Variants in MEGF9 observed in about 807,000 individuals in gnomAD.
MEGF9 encodes the protein multiple EGF like domains 9, also known as multiple epidermal growth factor-like domains protein 9.
Under a neutral mutation model 46.8 loss-of-function variants are expected in MEGF9, and 6 were observed. The ratio of observed to expected loss-of-function variants is 0.13; its 90% CI spans 0.07 to 0.25. The LOEUF (loss-of-function observed/expected upper bound fraction) is 0.25, where lower values mean the gene tolerates loss of function less well. Ranked by LOEUF, MEGF9 falls within the 10% of genes least tolerant of loss-of-function variation. The probability of loss-of-function intolerance (pLI) is 1.00; values close to 1 mark genes in which losing one functional copy is unlikely to be tolerated. For synonymous variants in MEGF9, 302 were observed against 330.7 expected (o/e 0.91, Z 0.94); for missense variants, 683 against 792.4 (o/e 0.86, Z 1.66).
intron 1 of MEGF9, among the ~76,000 whole-genome samples, chr9:120,677,580 AAC>A (rs1157002133): frequency 2.0e-5 from 3 of 152,226 alleles, no homozygotes; most frequent in Non-Finnish European, 4.4e-5. Context: ...GGTACACCTT[AAC>A]ATACTGTTCA....
chr9:120,680,442 ACT>A (rs1245121801), intron 1 of MEGF9, among the ~76,000 whole-genome samples: 1 of 151,904 alleles, frequency 6.6e-6, no homozygotes, highest in Non-Finnish European at 1.5e-5. Flanking sequence ...CCAAGCAGAA[ACT>A]CTTATTCTTT....
rs1056725416 is a variant in MEGF9, at chr9:120,602,346, T to C, written c.*2844A>G. 5.2e-5 allele frequency: 8 copies of C among 152,686 alleles called. No individual in the cohort carries two copies. The highest frequency in any genetic ancestry group is 1.7e-4 in the African/African-American group (7 of 41,470). 9.5% of individuals were successfully genotyped at this position (152,686 alleles called of 1,614,324 possible). A position where few individuals can be genotyped will look rare whatever the true frequency, so the allele number is the denominator to read the frequency against. On this transcript the variant is annotated 3_prime_UTR_variant, in exon 6 of 6. Transcript: ENST00000373930. ...GGACTGATGGCATCCTGCTGCCAGATGCCACAGTTTATGGGGCCCATGCCT... is the reference window on the plus strand; with the variant it reads ...GGACTGATGGCATCCTGCTGCCAGACGCCACAGTTTATGGGGCCCATGCCT...
At chr9:120,687,078 T>A (rs2043826143) in intron 1 of MEGF9, among the ~76,000 whole-genome samples, 1 of 152,210 alleles carries the variant, frequency 6.6e-6, no homozygotes, top group Non-Finnish European at 1.5e-5. Flanking sequence ...AAAAAATATC[T>A]AATTTTAAGG....
chr9:120,670,821 T>C (rs938223581), intron 1 of MEGF9, among the ~76,000 whole-genome samples: 1 of 152,184 alleles, frequency 6.6e-6, no homozygotes, highest in Non-Finnish European at 1.5e-5. Context: ...GTCCCCCTAC[T>C]TGAGCCTTTT....
chr9:120,673,314 AGATATT>A (rs1277329831), intron 1 of MEGF9, among the ~76,000 whole-genome samples: 37 of 152,182 alleles, frequency 2.4e-4, no homozygotes, highest in Non-Finnish European at 4.6e-4. Context: ...GATTTTTTAT[AGATATT>A]AACAAATTGA....
intron 1 of MEGF9, among the ~76,000 whole-genome samples, chr9:120,698,082 T>C (rs555488923): frequency 6.6e-6 from 1 of 152,198 alleles, no homozygotes; most frequent in Non-Finnish European, 1.5e-5. Context: ...TTACAGAAGA[T>C]AGTATAGAAG....
At chr9:120,610,672 T>C (rs2043440771) in intron 4 of MEGF9, among the ~76,000 whole-genome samples, 1 of 152,126 alleles carries the variant, frequency 6.6e-6, no homozygotes, top group Non-Finnish European at 1.5e-5. Flanking sequence ...TCTTGGTGCA[T>C]CCACTATACA....
intron 2 of MEGF9, among the ~76,000 whole-genome samples, chr9:120,630,337 T>C (rs546296400): frequency 1.3e-5 from 2 of 152,378 alleles, no homozygotes; most frequent in South Asian, 2.1e-4. Context: ...CATTGTGCCA[T>C]GAATGATAGA....
chr9:120,644,671 C>T (rs551269314), intron 2 of MEGF9, among the ~76,000 whole-genome samples: 1 of 152,238 alleles, frequency 6.6e-6, no homozygotes, highest in South Asian at 2.1e-4. Flanking sequence ...GAATATATCA[C>T]CTTCAATTAA....
intron 2 of MEGF9, among the ~76,000 whole-genome samples, chr9:120,630,892 G>T (rs1407290065): frequency 1.3e-5 from 2 of 152,188 alleles, no homozygotes; most frequent in Non-Finnish European, 2.9e-5. Context: ...GTCTCTTTCA[G>T]ATGAATAGTT....
intron 2 of MEGF9, among the ~76,000 whole-genome samples, chr9:120,653,726 T>C (rs544892621): frequency 3.3e-5 from 5 of 152,244 alleles, no homozygotes; most frequent in Non-Finnish European, 7.4e-5. Context: ...TTGTGACCAA[T>C]AGAAGTATAA....
chr9:120,661,003 G>A (rs908533695), intron 1 of MEGF9, among the ~76,000 whole-genome samples: 1 of 152,086 alleles, frequency 6.6e-6, no homozygotes, highest in African/African-American at 2.4e-5. Context: ...GAGTTGTAAA[G>A]GGGTTTGCTT....
At chr9:120,682,121 T>C (rs1241198148) in intron 1 of MEGF9, among the ~76,000 whole-genome samples, 1 of 152,230 alleles carries the variant, frequency 6.6e-6, no homozygotes, top group African/African-American at 2.4e-5. Flanking sequence ...TTTGGCAAAG[T>C]AGCATCCTTA....
In MEGF9 at chr9:120,704,782, T is replaced by C. The variant is rs138064041; in HGVS notation, c.601+8976A>G. Among the ~76,000 whole-genome samples, 665 of 152,322 alleles carry C rather than the reference T, an allele frequency of 4.4e-3. 1 individual carries two copies. The highest frequency in any genetic ancestry group is 5.2e-3 in the African/African-American group (215 of 41,574). On this transcript the variant is annotated intron_variant, in intron 1 of 5. Coordinates refer to ENST00000373930, the MANE Select transcript of MEGF9 (RefSeq NM_001080497.3). ...CCATAATGCACTGCACACTTGTTAA[T>C]TGCTAATATTAAAAGCACTCTGTTC... is the stretch of plus-strand genomic sequence containing the variant.
intron 5 of MEGF9, among the ~76,000 whole-genome samples, chr9:120,606,065 G>A (rs368761830): frequency 1.3e-5 from 2 of 151,622 alleles, no homozygotes; most frequent in East Asian, 1.9e-4. Context: ...CCAGCTACTC[G>A]AGAGGCTGAG....
chr9:120,682,558 C>T (rs1248284594), intron 1 of MEGF9, among the ~76,000 whole-genome samples: 1 of 146,792 alleles, frequency 6.8e-6, no homozygotes, highest in African/African-American at 2.5e-5. Context: ...TCACATTCAT[C>T]CCCAACCAAT....
At chr9:120,661,891 G>A (rs1362279497) in intron 1 of MEGF9, among the ~76,000 whole-genome samples, 1 of 152,132 alleles carries the variant, frequency 6.6e-6, no homozygotes, top group Non-Finnish European at 1.5e-5. Context: ...CTGAAATCGG[G>A]CAGAAATTCA....
intron 1 of MEGF9, among the ~76,000 whole-genome samples, chr9:120,705,545 T>A (rs1237476574): frequency 6.6e-6 from 1 of 152,008 alleles, no homozygotes; most frequent in East Asian, 1.9e-4. Flanking sequence ...GAAAGGTTTT[T>A]TTTTTTTTCA....
intron 3 of MEGF9, among the ~76,000 whole-genome samples, chr9:120,613,362 G>A (rs927913172): frequency 2.6e-5 from 4 of 151,812 alleles, no homozygotes; most frequent in Non-Finnish European, 4.4e-5. Flanking sequence ...AGGGAGGGGG[G>A]TAAAACAGGA....
Sources: gnomAD v4.1 joint callset for allele counts (sites outside exome capture counted in the v4.1 genomes callset) on GRCh38, gnomAD v4.1.1 for gene constraint, MANE v1.5 for transcripts, NCBI Gene and HGNC (gene_info 2026-07-23, HGNC 2026-07-21) for gene names.